Variants in LIN9 observed in about 807,000 individuals in gnomAD.
The protein encoded by LIN9 is lin-9 DREAM MuvB core complex component.
Under a neutral mutation model 78.0 loss-of-function variants are expected in LIN9, and 18 were observed. The observed-to-expected ratio is 0.23, with a 90% CI of 0.16 to 0.34. LIN9 has a LOEUF of 0.34. LIN9 is among the 10% of genes least tolerant of loss of function. LIN9 has a pLI of 1.00. For missense variants in LIN9, 451 were observed against 644.1 expected (o/e 0.70, Z 3.25); for synonymous variants, 192 against 215.2 (o/e 0.89, Z 0.94).
chr1:226,300,268 G>A (rs926673491), intron 2 of LIN9, among the ~76,000 whole-genome samples: 4 of 152,010 alleles, frequency 2.6e-5, no homozygotes, highest in African/African-American at 7.2e-5. Flanking sequence ...AAGCTATTAC[G>A]GGCCAGGTGT....
chr1:226,295,802 A>T, intron 4 of LIN9, 40 bp downstream of exon 4: 1 of 1,241,320 alleles, frequency 8.1e-7, no homozygotes. Flanking sequence ...GCATTTGCTT[A>T]CTTCCTTTCC....
chr1:226,278,997 A>G (rs1660862092), intron 6 of LIN9, among the ~76,000 whole-genome samples: 1 of 151,634 alleles, frequency 6.6e-6, no homozygotes, highest in East Asian at 1.9e-4. Context: ...AAACAAACAA[A>G]AAAACCACAA....
At chr1:226,260,632 T>TTTG (rs1659509880) in intron 10 of LIN9, among the ~76,000 whole-genome samples, 9 of 54,588 alleles carry the variant, frequency 1.6e-4, no homozygotes, top group African/African-American at 7.7e-4. Flanking sequence ...AAATGAGTTT[T>TTTG]TTTTTTTTTT....
At chr1:226,277,639 G>A (rs1465715206) in intron 7 of LIN9, 136 bp downstream of exon 7, 2 of 756,640 alleles carry the variant, frequency 2.6e-6, no homozygotes, top group Non-Finnish European at 4.2e-6. Context: ...ATAGGGATAG[G>A]GTGAGGGTTA....
At chr1:226,234,927 T>G (rs1657588512) in intron 12 of LIN9, among the ~76,000 whole-genome samples, 1 of 143,698 alleles carries the variant, frequency 7.0e-6, no homozygotes, top group Non-Finnish European at 1.5e-5. Flanking sequence ...AGTCTCACTC[T>G]GTTGCCCAGG....
intron 11 of LIN9, among the ~76,000 whole-genome samples, chr1:226,242,648 T>A (rs190698446): frequency 1.4e-3 from 208 of 152,324 alleles, no homozygotes; most frequent in African/African-American, 4.7e-3. Flanking sequence ...AGACTTTTTT[T>A]AAAATTAATT....
intron 6 of LIN9, among the ~76,000 whole-genome samples, chr1:226,279,794 A>G (rs1307076577): frequency 6.7e-5 from 10 of 149,710 alleles, no homozygotes; most frequent in Non-Finnish European, 1.5e-5. Context: ...AAAAGGAAGG[A>G]AAGAAAAAGG....
At chr1:226,267,913 T>C (rs1402856569) in intron 8 of LIN9, 44 bp downstream of exon 8, 1 of 1,577,386 alleles carries the variant, frequency 6.3e-7, no homozygotes, top group East Asian at 2.2e-5. Context: ...ATATAACACA[T>C]TTAACAGGCA....
intron 11 of LIN9, among the ~76,000 whole-genome samples, chr1:226,248,266 C>G (rs1658609397): frequency 2.0e-5 from 3 of 152,198 alleles, no homozygotes; most frequent in African/African-American, 7.2e-5. Context: ...AAATACTAAT[C>G]TCACTTCTGC....
chr1:226,282,775 C>T (rs1030001742), intron 6 of LIN9, among the ~76,000 whole-genome samples: 3 of 152,092 alleles, frequency 2.0e-5, no homozygotes, highest in Non-Finnish European at 4.4e-5. Flanking sequence ...GAGCCAAGAT[C>T]GTGCCACTGC....
chr1:226,306,826 T>G (rs1463011102), intron 1 of LIN9, among the ~76,000 whole-genome samples: 1 of 152,182 alleles, frequency 6.6e-6, no homozygotes, highest in Non-Finnish European at 1.5e-5. Context: ...CTGCTCTAGT[T>G]TCAGTAATAA....
intron 6 of LIN9, among the ~76,000 whole-genome samples, chr1:226,283,871 G>A (rs1440618174): frequency 6.6e-6 from 1 of 152,018 alleles, no homozygotes; most frequent in Admixed American, 6.6e-5. Flanking sequence ...GAGCTTAGGA[G>A]GCAGAGGTTG....
intron 10 of LIN9, among the ~76,000 whole-genome samples, chr1:226,264,997 A>G (rs2102906729): frequency 6.6e-6 from 1 of 152,328 alleles, no homozygotes; most frequent in African/African-American, 2.4e-5. Flanking sequence ...AACTCACTAC[A>G]TTTTTAAGAG....
intron 2 of LIN9, 36 bp downstream of exon 2, chr1:226,301,137 T>A (rs1392559832): frequency 1.3e-6 from 2 of 1,522,288 alleles, no homozygotes; most frequent in African/African-American, 2.8e-5. Context: ...ATTAGACTTT[T>A]AGCTATGGTA....
At chr1:226,309,640 A>G (rs1260027767), upstream of LIN9, 8 of 1,276,154 alleles carry the variant, frequency 6.3e-6, no homozygotes, top group African/African-American at 4.6e-5. Context: ...CCCGAAACCC[A>G]CGTTGCTTGG....
At chr1:226,248,899 C>A (rs914171144) in intron 11 of LIN9, among the ~76,000 whole-genome samples, 1 of 152,146 alleles carries the variant, frequency 6.6e-6, no homozygotes, top group African/African-American at 2.4e-5. Context: ...ATCAAGCCAA[C>A]TAGATTACTT....
intron 3 of LIN9, among the ~76,000 whole-genome samples, chr1:226,297,353 C>T (rs781333012): frequency 6.6e-6 from 1 of 152,092 alleles, no homozygotes; most frequent in African/African-American, 2.4e-5. Context: ...TTGAGCTACA[C>T]AATGATTTCT....
upstream of LIN9, chr1:226,309,506 G>A: frequency 8.9e-7 from 1 of 1,126,378 alleles, no homozygotes; most frequent in Non-Finnish European, 1.1e-6. Flanking sequence ...CTGCAGCTGC[G>A]GGAACTGCAG....
intron 6 of LIN9, among the ~76,000 whole-genome samples, chr1:226,278,540 C>T (rs1371140971): frequency 6.6e-6 from 1 of 151,368 alleles, no homozygotes; most frequent in Non-Finnish European, 1.5e-5. Context: ...TAGATTGTTT[C>T]TGGCCGGGCG....
Sources: gnomAD v4.1 joint callset for allele counts (sites outside exome capture counted in the v4.1 genomes callset) on GRCh38, gnomAD v4.1.1 for gene constraint, MANE v1.5 for transcripts, NCBI Gene and HGNC (gene_info 2026-07-23, HGNC 2026-07-21) for gene names.